The following LYRM4 variants were observed in gnomAD, a reference collection of about 807,000 sequenced individuals.
LYRM4 encodes LYR motif containing 4.
Under a neutral mutation model 11.7 loss-of-function variants are expected in LYRM4, and 9 were observed. That is an observed-to-expected ratio of 0.77 (90% CI 0.46 to 1.34). LYRM4 has a LOEUF of 1.34. Ranked by LOEUF, LYRM4 falls within the 40% of genes most tolerant of loss-of-function variation. LYRM4 has a pLI of 0.00. For synonymous variants in LYRM4, 42 were observed against 40.4 expected, an observed-to-expected ratio of 1.04 and a Z score of -0.15; for missense variants, 133 against 112.5, an observed-to-expected ratio of 1.18 and a Z score of -0.82.
In LYRM4 at chr6:5,245,103, AAAAAAAAAAAATATATATATAT is replaced by A. The variant is rs1296579805; in HGVS notation, c.86+15523_86+15544del. Reference sequence around the variant, plus strand: ...CAGGAAGACCTTAAAAAAAAAAAAAAAAAAAAAAAAATATATATATATATATATATATATATATATATATATA... The same window carrying A: ...CAGGAAGACCTTAAAAAAAAAAAAAAATATATATATATATATATATATATA... On this transcript the variant is annotated intron_variant, in intron 1 of 2. Transcript: ENST00000330636. Among the ~76,000 whole-genome samples the A allele has an allele frequency of 1.9e-3, 113 of 58,398 alleles. 5 individuals carry two copies. The highest frequency in any genetic ancestry group is 4.8e-3 in the African/African-American group (81 of 16,772). The allele number at this position is 58,398 out of a possible 152,430, so 38.3% of individuals were successfully genotyped here.
the LYRM4 span, among the ~76,000 whole-genome samples, chr6:5,069,453 C>CTA: frequency 3.3e-5 from 5 of 149,384 alleles, no homozygotes; most frequent in South Asian, 2.1e-4. Flanking sequence ...ATCAGCTACA[C>CTA]TATATATATA....
At chr6:5,167,316 C>T (rs564590048) in intron 2 of LYRM4, among the ~76,000 whole-genome samples, 4 of 152,284 alleles carry the variant, frequency 2.6e-5, no homozygotes, top group African/African-American at 7.2e-5. Context: ...AAGATAATCA[C>T]CATTAATAGT....
chr6:5,048,909 T>C, the LYRM4 span, among the ~76,000 whole-genome samples: 1 of 152,134 alleles, frequency 6.6e-6, no homozygotes, highest in African/African-American at 2.4e-5. Context: ...GTGGAAGAAT[T>C]AGCAGGACTT....
At chr6:5,046,694 G>C in the LYRM4 span, among the ~76,000 whole-genome samples, 1 of 152,192 alleles carries the variant, frequency 6.6e-6, no homozygotes, top group Non-Finnish European at 1.5e-5. Context: ...GCTTCCCTCA[G>C]AGTAAATATG....
intron 2 of LYRM4, chr6:5,138,811 T>A: frequency 8.4e-7 from 1 of 1,192,760 alleles, no homozygotes; most frequent in Non-Finnish European, 1.2e-6. Flanking sequence ...CTTTGGGATT[T>A]CAAACAGAAG....
At chr6:5,059,868 A>G in the LYRM4 span, among the ~76,000 whole-genome samples, 1 of 151,640 alleles carries the variant, frequency 6.6e-6, no homozygotes, top group East Asian at 1.9e-4. Flanking sequence ...TGGTGTAAGC[A>G]TAGCTCATTG....
At chr6:5,111,677 C>A (rs890635277) in intron 2 of LYRM4, among the ~76,000 whole-genome samples, 3 of 152,216 alleles carry the variant, frequency 2.0e-5, no homozygotes, top group Non-Finnish European at 2.9e-5. Context: ...CTCTGAATGA[C>A]CCCGTGTTGA....
intron 2 of LYRM4, among the ~76,000 whole-genome samples, chr6:5,189,006 T>C (rs549948253): frequency 2.6e-5 from 4 of 152,272 alleles, no homozygotes; most frequent in African/African-American, 9.6e-5. Flanking sequence ...AGCGATCTGC[T>C]TGTCTCAGCC....
intron 2 of LYRM4, among the ~76,000 whole-genome samples, chr6:5,129,706 G>A (rs1763860132): frequency 6.6e-6 from 1 of 152,184 alleles, no homozygotes; most frequent in African/African-American, 2.4e-5. Context: ...GGACGCCTTT[G>A]GGGGCCATTA....
chr6:5,138,075 A>T (rs1237478492), intron 2 of LYRM4, among the ~76,000 whole-genome samples: 2 of 152,212 alleles, frequency 1.3e-5, no homozygotes, highest in Admixed American at 1.3e-4. Flanking sequence ...GTCTTTCAGC[A>T]GGTCAAAAAG....
chr6:5,044,108 T>G, the LYRM4 span, among the ~76,000 whole-genome samples: 1 of 80,046 alleles, frequency 1.2e-5, no homozygotes, highest in South Asian at 5.1e-4. Flanking sequence ...TACACTTTTT[T>G]TTGTGGGGTT....
the LYRM4 span, chr6:5,086,364 A>C: frequency 6.5e-7 from 1 of 1,536,078 alleles, no homozygotes; most frequent in Non-Finnish European, 8.7e-7. Flanking sequence ...ATGCCAAGAA[A>C]GAGCCAGGCG....
the LYRM4 span, among the ~76,000 whole-genome samples, chr6:5,097,201 G>T: frequency 6.6e-6 from 1 of 152,132 alleles, no homozygotes; most frequent in South Asian, 2.1e-4. Context: ...ATGGTGAGGG[G>T]GCCGAGCAGG....
chr6:5,216,535 A>G (rs1158571456), intron 2 of LYRM4, 83 bp downstream of exon 2: 26 of 1,539,142 alleles, frequency 1.7e-5, no homozygotes, highest in Non-Finnish European at 2.0e-5. Context: ...CACCAACACC[A>G]AAAGCACGGC....
At chr6:5,167,138 T>C (rs1192720767) in intron 2 of LYRM4, among the ~76,000 whole-genome samples, 2 of 152,222 alleles carry the variant, frequency 1.3e-5, no homozygotes, top group East Asian at 1.9e-4. Context: ...TTGGTGTAGA[T>C]ACCTTTTTCC....
chr6:5,259,881 C>T (rs1764902740), intron 1 of LYRM4, among the ~76,000 whole-genome samples: 1 of 152,060 alleles, frequency 6.6e-6, no homozygotes, highest in Non-Finnish European at 1.5e-5. Context: ...GAACCAGCAA[C>T]ACTGTGAAAG....
intron 2 of LYRM4, among the ~76,000 whole-genome samples, chr6:5,126,629 C>T (rs1225642977): frequency 6.6e-6 from 1 of 152,112 alleles, no homozygotes; most frequent in Non-Finnish European, 1.5e-5. Flanking sequence ...TATGTTCATA[C>T]AATGGAATAT....
intron 2 of LYRM4, among the ~76,000 whole-genome samples, chr6:5,212,756 G>A (rs965959539): frequency 1.3e-5 from 2 of 152,210 alleles, no homozygotes; most frequent in Admixed American, 6.5e-5. Flanking sequence ...AAAGAGATTC[G>A]AGACTGACAG....
At chr6:5,118,116 T>TTTTGTTTTGTTTTG (rs756067871) in intron 2 of LYRM4, among the ~76,000 whole-genome samples, 1 of 96,746 alleles carries the variant, frequency 1.0e-5, no homozygotes, top group African/African-American at 4.4e-5. Flanking sequence ...TTTTGTTTTG[T>TTTTGTTTTGTTTTG]TTTTTTTTTT....
Sources: gnomAD v4.1 joint callset for allele counts (sites outside exome capture counted in the v4.1 genomes callset) on GRCh38, gnomAD v4.1.1 for gene constraint, MANE v1.5 for transcripts, NCBI Gene and HGNC (gene_info 2026-07-23, HGNC 2026-07-21) for gene names.